Variants in SHISA9 observed in about 807,000 individuals in gnomAD.
SHISA9 encodes protein shisa-9.
SHISA9 carries 13 observed loss-of-function variants against 38.0 expected under a neutral mutation model. That is an observed-to-expected ratio of 0.34 (90% CI 0.22 to 0.54). The LOEUF is 0.54. SHISA9 is among the 20% of genes least tolerant of loss of function. The pLI is 0.91. For synonymous variants in SHISA9, 275 were observed against 242.0 expected, an observed-to-expected ratio of 1.14 and a Z score of -1.27; for missense variants, 538 against 575.8, an observed-to-expected ratio of 0.93 and a Z score of 0.67.
the SHISA9 span, among the ~76,000 whole-genome samples, chr16:13,541,517 C>T: frequency 6.6e-6 from 1 of 152,084 alleles, no homozygotes; most frequent in African/African-American, 2.4e-5. Context: ...GTGTGGTCAG[C>T]CGGAATTTAT....
chr16:13,503,594 C>T, the SHISA9 span, among the ~76,000 whole-genome samples: 2 of 152,036 alleles, frequency 1.3e-5, no homozygotes, highest in African/African-American at 2.4e-5. Flanking sequence ...TATCTTAAGG[C>T]CCAGCTTTAG....
At chr16:13,485,622 A>T in the SHISA9 span, among the ~76,000 whole-genome samples, 1 of 152,192 alleles carries the variant, frequency 6.6e-6, no homozygotes, top group East Asian at 1.9e-4. Context: ...CATCACCTCA[A>T]ACTTTTATCT....
At chr16:12,915,290 G>C (rs1473190911) in intron 1 of SHISA9, among the ~76,000 whole-genome samples, 2 of 152,128 alleles carry the variant, frequency 1.3e-5, no homozygotes, top group Non-Finnish European at 2.9e-5. Context: ...GTAAGACCCT[G>C]AGACCACGTC....
At chr16:13,279,828 A>G in the SHISA9 span, among the ~76,000 whole-genome samples, 1 of 151,856 alleles carries the variant, frequency 6.6e-6, no homozygotes, top group African/African-American at 2.4e-5. Context: ...GTCTTCCTGA[A>G]GAATTATCTG....
In SHISA9 at chr16:13,112,988, T is replaced by A. The variant is rs1208439808; in HGVS notation, c.692-90406T>A. Reference sequence around the variant, plus strand: ...ACTTTGGGAGGCCAAGGCAGGCAGATCACTTGACGTCAGAGGTTTGAAACC... The same window carrying A: ...ACTTTGGGAGGCCAAGGCAGGCAGAACACTTGACGTCAGAGGTTTGAAACC... On this transcript the variant is annotated intron_variant, in intron 2 of 4. Coordinates refer to ENST00000558583, the MANE Select transcript of SHISA9 (RefSeq NM_001145204.3). Among the ~76,000 whole-genome samples, 3 of 152,122 alleles carry A rather than the reference T, an allele frequency of 2.0e-5. No homozygotes were observed. In the East Asian group the frequency reaches 5.8e-4, roughly 29 times the overall value.
the SHISA9 span, among the ~76,000 whole-genome samples, chr16:13,453,956 T>TATAATACCGTCATCTCATACATCAA: frequency 6.6e-6 from 1 of 152,192 alleles, no homozygotes; most frequent in African/African-American, 2.4e-5. Flanking sequence ...CATCAAATGT[T>TATAATACCGTCATCTCATACATCAA]ATAATACCGT....
chr16:13,263,701 A>G, the SHISA9 span, among the ~76,000 whole-genome samples: 2 of 152,200 alleles, frequency 1.3e-5, no homozygotes, highest in Non-Finnish European at 2.9e-5. Context: ...GGGACATATA[A>G]TTCCTACATG....
rs981431152 is a variant in SHISA9 at position 13,053,252 on chromosome 16, C to T, written c.691+136437C>T. Among the ~76,000 whole-genome samples the T allele has an allele frequency of 6.6e-5, 10 of 151,060 alleles. No homozygotes were observed. In the South Asian group the frequency reaches 8.3e-4, roughly 13 times the overall value. On this transcript the variant is annotated intron_variant, in intron 2 of 4. Transcript: ENST00000558583. Reference sequence around the variant, plus strand: ...TGCTGGGATTACAGGTGTGAACCATCGCACGCAGCCCCCTTTCCTTTCTAC... The same window carrying T: ...TGCTGGGATTACAGGTGTGAACCATTGCACGCAGCCCCCTTTCCTTTCTAC...
At chr16:13,259,864 A>G in the SHISA9 span, among the ~76,000 whole-genome samples, 1 of 152,122 alleles carries the variant, frequency 6.6e-6, no homozygotes, top group Non-Finnish European at 1.5e-5. Flanking sequence ...TGATAGAAGA[A>G]GCTGCCATGA....
intron 2 of SHISA9, among the ~76,000 whole-genome samples, chr16:13,070,320 C>T (rs1188389829): frequency 2.6e-5 from 4 of 152,278 alleles, no homozygotes; most frequent in East Asian, 1.9e-4. Context: ...CTCCTCCTTC[C>T]GTATGCCCAG....
intron 2 of SHISA9, among the ~76,000 whole-genome samples, chr16:13,159,743 T>C (rs1366175839): frequency 6.6e-6 from 1 of 152,234 alleles, no homozygotes; most frequent in Non-Finnish European, 1.5e-5. Context: ...GTTCACATCA[T>C]TTGCCCATTC....
At chr16:13,417,291 G>A in the SHISA9 span, among the ~76,000 whole-genome samples, 79 of 152,282 alleles carry the variant, frequency 5.2e-4, no homozygotes, top group African/African-American at 1.9e-3. Flanking sequence ...TGTCACTCGA[G>A]GGAATTTAGA....
At chr16:13,506,217 T>G in the SHISA9 span, among the ~76,000 whole-genome samples, 2 of 152,208 alleles carry the variant, frequency 1.3e-5, no homozygotes, top group Admixed American at 1.3e-4. Flanking sequence ...TTTTCATTCC[T>G]TCACCCAGGC....
At chr16:13,400,837 G>A in the SHISA9 span, among the ~76,000 whole-genome samples, 10 of 152,240 alleles carry the variant, frequency 6.6e-5, no homozygotes, top group Non-Finnish European at 1.3e-4. Flanking sequence ...CAGGGAGGAA[G>A]CTTCTTCCTT....
chr16:13,319,619 T>C, the SHISA9 span, among the ~76,000 whole-genome samples: 1 of 152,052 alleles, frequency 6.6e-6, no homozygotes, highest in South Asian at 2.1e-4. Flanking sequence ...CATCCTGGGA[T>C]GGGAGTGTGC....
chr16:13,410,656 C>T, the SHISA9 span, among the ~76,000 whole-genome samples: 1 of 152,156 alleles, frequency 6.6e-6, no homozygotes, highest in East Asian at 1.9e-4. Context: ...GCTAAGTTGG[C>T]TCTTTCAAGG....
At chr16:13,025,697 A>G (rs1224179068) in intron 2 of SHISA9, among the ~76,000 whole-genome samples, 1 of 152,210 alleles carries the variant, frequency 6.6e-6, no homozygotes. Context: ...CGTAGGTCAC[A>G]TGCTGACCTC....
At chr16:13,300,619 G>C in the SHISA9 span, among the ~76,000 whole-genome samples, 1 of 152,154 alleles carries the variant, frequency 6.6e-6, no homozygotes, top group Non-Finnish European at 1.5e-5. Context: ...ATTCAATTGA[G>C]TCCTGAAAAT....
chr16:13,027,351 G>T (rs1474306422), intron 2 of SHISA9, among the ~76,000 whole-genome samples: 2 of 152,094 alleles, frequency 1.3e-5, no homozygotes, highest in Admixed American at 6.6e-5. Flanking sequence ...CTAGTTAGAG[G>T]TGCCCCAAAG....
Sources: allele counts gnomAD v4.1 joint callset (sites outside exome capture counted in the v4.1 genomes callset), GRCh38; gene constraint gnomAD v4.1.1; transcripts MANE v1.5; gene names NCBI Gene and HGNC (gene_info 2026-07-23, HGNC 2026-07-21).